The following MIS18BP1 variants were observed in gnomAD, a reference collection of about 807,000 sequenced individuals.
MIS18BP1 encodes the protein mis18-binding protein 1.
MIS18BP1 carries 72 observed loss-of-function variants against 116.1 expected under a neutral mutation model. That is an observed-to-expected ratio of 0.62 (90% CI 0.51 to 0.75). The LOEUF (loss-of-function observed/expected upper bound fraction) is 0.75, where lower values mean the gene tolerates loss of function less well. Among genes scored for constraint, MIS18BP1 ranks in the 30% least tolerant of loss-of-function variants. The pLI, the probability that MIS18BP1 is intolerant of heterozygous loss-of-function variation, is 0.00. For missense variants in MIS18BP1, 1,363 were observed against 1,303.2 expected (o/e 1.05, Z -0.71); for synonymous variants, 386 against 427.0 (o/e 0.90, Z 1.18).
intron 8 of MIS18BP1, among the ~76,000 whole-genome samples, chr14:45,228,140 G>A (rs527687903): frequency 6.6e-6 from 1 of 152,322 alleles, no homozygotes; most frequent in South Asian, 2.1e-4. Flanking sequence ...TCCAGCCTGG[G>A]TGACAGAGCA....
At chr14:45,226,880 C>A (rs200975434) in intron 9 of MIS18BP1, 44 bp from the exon 10 acceptor site, 3 of 1,268,384 alleles carry the variant, frequency 2.4e-6, no homozygotes, top group East Asian at 3.2e-5. Context: ...AAAACTACTA[C>A]CAAAACATGA....
chr14:45,221,349 A>C (rs1462454164), intron 11 of MIS18BP1, among the ~76,000 whole-genome samples: 1 of 152,098 alleles, frequency 6.6e-6, no homozygotes, highest in African/African-American at 2.4e-5. Flanking sequence ...AGGCAGGAGA[A>C]TGGTGTGAAC....
rs112114567 is a variant in MIS18BP1 at position 45,235,981 on chromosome 14, T to C, written c.1218-37A>G. The stretch of plus-strand genomic sequence containing the variant: ...AAATAGTTTTGGTAAGGTCAAAATA[T>C]TCATATAGAAATTTCTAACAGAAAA... On this transcript the variant is annotated intron_variant, in intron 5 of 16. Coordinates refer to ENST00000310806, the MANE Select transcript of MIS18BP1 (RefSeq NM_018353.5). The C allele has an allele frequency of 1.3e-3, 1,956 of 1,529,660 alleles. 16 individuals carry two copies. In the African/African-American group the frequency reaches 0.024, roughly 19 times the overall value. 94.8% of individuals were successfully genotyped at this position (1,529,660 alleles called of 1,614,324 possible). A position where few individuals can be genotyped will look rare whatever the true frequency, so the allele number is the denominator to read the frequency against.
At chr14:45,232,226 C>T (rs181809063) in intron 7 of MIS18BP1, among the ~76,000 whole-genome samples, 1 of 151,614 alleles carries the variant, frequency 6.6e-6, no homozygotes, top group African/African-American at 2.4e-5. Flanking sequence ...ACCATCCTGG[C>T]TAACATGGTG....
At chr14:45,215,120 T>G (rs951647836) in intron 13 of MIS18BP1, among the ~76,000 whole-genome samples, 6 of 152,138 alleles carry the variant, frequency 3.9e-5, no homozygotes, top group African/African-American at 1.4e-4. Flanking sequence ...GAAATGATGG[T>G]GGGATAAAGG....
Position 45,242,743 on chromosome 14 carries a change from A to C in MIS18BP1, c.658+18T>G. The C allele has an allele frequency of 6.3e-7, 1 of 1,586,428 alleles. No individual in the cohort carries two copies. The highest frequency in any genetic ancestry group is 1.1e-5 in the South Asian group (1 of 87,852). ...TATACTTAAGTAACAAACTGAAAAC[A>C]AACCAAAAATAGTTTACCGTAAGTT... On this transcript the variant is annotated intron_variant, in intron 3 of 16. Transcript: ENST00000310806.
chr14:45,250,809 C>A lies in MIS18BP1; in HGVS notation c.-92+2226G>T, dbSNP rs987113234. 3.3e-5 allele frequency among the ~76,000 whole-genome samples: 5 copies of A among 151,992 alleles called. 1 individual carries two copies. Among genetic ancestry groups the A allele is most frequent in the African/African-American group, 9.7e-5 (4 of 41,404 alleles). ...GGCCAAGTGATCACGAGGCGAATGA[C>A]GGCGAATCACGAGGTCAGGAGATGG... On this transcript the variant is annotated intron_variant, in intron 1 of 16. Coordinates refer to ENST00000310806, the MANE Select transcript of MIS18BP1 (RefSeq NM_018353.5).
chr14:45,247,135 G>A lies in MIS18BP1; in HGVS notation c.152C>T (p.Ser51Phe). Residue 51 changes from serine (S) to phenylalanine (F), a missense_variant, in exon 2 of 17, where the codon TCC (serine) becomes TTC (phenylalanine). Coordinates refer to ENST00000310806, the MANE Select transcript of MIS18BP1 (RefSeq NM_018353.5). ...TTTATGGTCATTCAATTTTAAGGAG[G>A]AGTTCTGATATTTCACCAAATCTTT... ...PVKDLVKYQNSSLKLNDHKKN... is the reference protein window; with the variant it reads ...PVKDLVKYQNFSLKLNDHKKN... The A allele has an allele frequency of 6.2e-7, 1 of 1,612,318 alleles. No individual in the cohort carries two copies. Among genetic ancestry groups the A allele is most frequent in the Non-Finnish European group, 8.5e-7 (1 of 1,179,618 alleles).
At chr14:45,217,282 A>C (rs146281289) in intron 12 of MIS18BP1, 103 bp from the exon 13 acceptor site, 23 of 1,339,164 alleles carry the variant, frequency 1.7e-5, no homozygotes, top group Non-Finnish European at 2.2e-5. Context: ...ATTCATGTTA[A>C]AAAAAAACCA....
chr14:45,213,735 AAG>A (rs200796220), intron 13 of MIS18BP1, among the ~76,000 whole-genome samples: 2 of 152,200 alleles, frequency 1.3e-5, no homozygotes, highest in Non-Finnish European at 2.9e-5. Context: ...GGGGAAAAGA[AAG>A]AGAGATCAGA....
chr14:45,246,800 G>C lies in MIS18BP1; in HGVS notation c.487C>G (p.Leu163Val). Residue 163 changes from leucine to valine, a missense_variant, in exon 2 of 17, where the codon CTA becomes GTA. Coordinates refer to ENST00000310806, the MANE Select transcript of MIS18BP1 (RefSeq NM_018353.5). ...TTGTTGTTTTCCTTTTCTTCACATA[G>C]GTAGGTATGCTGCAATTTTTTTTTT... is the stretch of plus-strand genomic sequence containing the variant. Reference protein sequence around the residue: ...VEKKKLQHTYLCEEKENNKSF... With the variant: ...VEKKKLQHTYVCEEKENNKSF... 6.3e-7 allele frequency: 1 copy of C among 1,590,668 alleles called. No individual in the cohort carries two copies. The highest frequency in any genetic ancestry group is 8.5e-7 in the Non-Finnish European group (1 of 1,174,110).
chr14:45,224,681 C>T lies in MIS18BP1; in HGVS notation c.1906G>A (p.Glu636Lys). ...LTSREQFFSDEERKYMAINQK... is the reference protein window; with the variant it reads ...LTSREQFFSDKERKYMAINQK... ...TTGATGGCCATGTATTTTCTTTCTT[C>T]ATCTGAGAAAAACTGTTCCCTTGAG... Residue 636 changes from glutamate to lysine, a missense_variant, in exon 11 of 17, where the codon GAA becomes AAA. Transcript: ENST00000310806. 1 of 1,610,708 alleles carries T rather than the reference C, an allele frequency of 6.2e-7. No individual in the cohort carries two copies. Among genetic ancestry groups the T allele is most frequent in the Non-Finnish European group, 8.5e-7 (1 of 1,179,116 alleles).
In MIS18BP1 at chr14:45,244,787, C is replaced by T. The variant is rs567097289; in HGVS notation, c.545-1913G>A. On this transcript the variant is annotated intron_variant, in intron 2 of 16. Coordinates refer to ENST00000310806, the MANE Select transcript of MIS18BP1 (RefSeq NM_018353.5). ...GCTCAGCTGATGACTTTACTTATTTCAAATTATTTGTGAAGTCATAAAATA... is the reference window on the plus strand; with the variant it reads ...GCTCAGCTGATGACTTTACTTATTTTAAATTATTTGTGAAGTCATAAAATA... 2.0e-5 allele frequency among the ~76,000 whole-genome samples: 3 copies of T among 152,294 alleles called. No individual in the cohort carries two copies. The South Asian group carries it at 6.2e-4, about 32-fold the overall frequency.
In MIS18BP1 at chr14:45,223,920, A is replaced by C. The variant is rs770763324; in HGVS notation, c.2667T>G (p.His889Gln). 1 of 1,565,706 alleles carries C rather than the reference A, an allele frequency of 6.4e-7. No individual in the cohort carries two copies. The highest frequency in any genetic ancestry group is 2.2e-5 in the East Asian group (1 of 44,484). Residue 889 changes from histidine to glutamine, a missense_variant and splice_region_variant, in exon 11 of 17, where the codon CAT (histidine) becomes CAG (glutamine). His to Gln is a conservative substitution (Grantham distance 24, BLOSUM62 0). Transcript: ENST00000310806. The part of the protein sequence containing the change: ...EWNEKELQKL[H>Q]CAFASLPKHK... ...CGGAATGAAATCTAACTACTTACCA[A>C]TGAAGTTTCTGTAACTCCTTCTCAT...
chr14:45,252,402 T>A (rs1054481440), intron 1 of MIS18BP1, among the ~76,000 whole-genome samples: 25 of 152,326 alleles, frequency 1.6e-4, no homozygotes, highest in Non-Finnish European at 1.8e-4. Flanking sequence ...TTTAAAAAAA[T>A]TTTTAAGTAA....
In MIS18BP1 at chr14:45,247,308, A is replaced by C. The variant is rs757417144; in HGVS notation, c.-22T>G. ...TCATCTTGACAAGAAAGTAGCAACC[A>C]AGTTCTTCTAACAGAAAATTCACTT... On this transcript the variant is annotated 5_prime_UTR_variant, in exon 2 of 17. Coordinates refer to ENST00000310806, the MANE Select transcript of MIS18BP1 (RefSeq NM_018353.5). 1 of 1,508,724 alleles carries C rather than the reference A, an allele frequency of 6.6e-7. No individual in the cohort carries two copies. Among genetic ancestry groups the C allele is most frequent in the South Asian group, 1.4e-5 (1 of 73,698 alleles). The allele number at this position is 1,508,724 out of a possible 1,614,324, so 93.5% of individuals were successfully genotyped here.
intron 11 of MIS18BP1, among the ~76,000 whole-genome samples, chr14:45,223,448 G>A (rs1266469003): frequency 1.3e-5 from 2 of 152,108 alleles, no homozygotes; most frequent in Non-Finnish European, 2.9e-5. Context: ...GTGGCAGCGT[G>A]CGCCTGTAGT....
At chr14:45,233,617 A>C in intron 6 of MIS18BP1, among the ~76,000 whole-genome samples, 1 of 152,190 alleles carries the variant, frequency 6.6e-6, no homozygotes, top group South Asian at 2.1e-4. Flanking sequence ...GATGCTGCAG[A>C]GGTCTGAGTT....
intron 5 of MIS18BP1, 101 bp from the exon 6 acceptor site, chr14:45,236,045 A>C: frequency 9.7e-7 from 1 of 1,032,616 alleles, no homozygotes; most frequent in Non-Finnish European, 1.4e-6. Context: ...TAAGAATGTT[A>C]TTAGTCTAAT....
Sources: allele counts gnomAD v4.1 joint callset (sites outside exome capture counted in the v4.1 genomes callset), GRCh38; gene constraint gnomAD v4.1.1; transcripts MANE v1.5; gene names NCBI Gene and HGNC (gene_info 2026-07-23, HGNC 2026-07-21).